The following SDC2 variants were observed in gnomAD, a reference collection of about 807,000 sequenced individuals.
SDC2 encodes syndecan 2.
In SDC2, 13 loss-of-function variants were observed where a neutral mutation model predicts 22.2. The ratio of observed to expected loss-of-function variants is 0.59; its 90% CI spans 0.38 to 0.93. The LOEUF (loss-of-function observed/expected upper bound fraction) is 0.93, where lower values mean the gene tolerates loss of function less well. Ranked by LOEUF, SDC2 falls within the 40% of genes least tolerant of loss-of-function variation. The pLI, the probability that SDC2 is intolerant of heterozygous loss-of-function variation, is 0.00. For missense variants in SDC2, 235 were observed against 246.8 expected (o/e 0.95, Z 0.32); for synonymous variants, 94 against 92.8 (o/e 1.01, Z -0.07).
At chr8:96,566,387 G>A (rs953401840) in intron 1 of SDC2, among the ~76,000 whole-genome samples, 5 of 152,108 alleles carry the variant, frequency 3.3e-5, no homozygotes, top group Non-Finnish European at 5.9e-5. Context: ...ACCATTAATG[G>A]TATGATAGCT....
At chr8:96,559,790 A>AAT (rs1342358361) in intron 1 of SDC2, among the ~76,000 whole-genome samples, 1 of 152,192 alleles carries the variant, frequency 6.6e-6, no homozygotes, top group Non-Finnish European at 1.5e-5. Flanking sequence ...TCCATCCAGG[A>AAT]ATAGTAAGCC....
chr8:96,558,650 T>C (rs1483370533), intron 1 of SDC2, among the ~76,000 whole-genome samples: 3 of 152,220 alleles, frequency 2.0e-5, no homozygotes, highest in African/African-American at 7.2e-5. Context: ...CTTTCCATTG[T>C]AATCCCAACA....
At chr8:96,596,995 G>C (rs1339801406) in intron 2 of SDC2, among the ~76,000 whole-genome samples, 1 of 152,150 alleles carries the variant, frequency 6.6e-6, no homozygotes, top group East Asian at 1.9e-4. Context: ...CTGGAAGTCT[G>C]TTTAAGAAAT....
chr8:96,540,791 G>A (rs921999725), intron 1 of SDC2, among the ~76,000 whole-genome samples: 1 of 152,212 alleles, frequency 6.6e-6, no homozygotes, highest in Non-Finnish European at 1.5e-5. Flanking sequence ...AGCGTTGAAA[G>A]TGAAGTATTA....
intron 3 of SDC2, among the ~76,000 whole-genome samples, chr8:96,606,148 G>A (rs1380583331): frequency 6.6e-6 from 1 of 152,092 alleles, no homozygotes; most frequent in South Asian, 2.1e-4. Flanking sequence ...TTTTGAGACA[G>A]GGTCTCACTC....
At chr8:96,594,081 A>G (rs950254129) in intron 2 of SDC2, among the ~76,000 whole-genome samples, 5 of 152,204 alleles carry the variant, frequency 3.3e-5, no homozygotes, top group Non-Finnish European at 7.3e-5. Context: ...TTGTAGGAGG[A>G]AAATGCAGCA....
chr8:96,572,374 C>G (rs1814410596), intron 1 of SDC2, among the ~76,000 whole-genome samples: 1 of 152,128 alleles, frequency 6.6e-6, no homozygotes, highest in Non-Finnish European at 1.5e-5. Context: ...AGTGGTAATG[C>G]CCACTGCCTG....
intron 1 of SDC2, among the ~76,000 whole-genome samples, chr8:96,520,639 A>C (rs1563646820): frequency 6.6e-6 from 1 of 152,232 alleles, no homozygotes; most frequent in Non-Finnish European, 1.5e-5. Flanking sequence ...AGTTGAATCC[A>C]CAAGAAGATG....
rs984748465 is a variant in SDC2, at chr8:96,590,359, G to A, written c.61-3121G>A. 4.6e-5 allele frequency among the ~76,000 whole-genome samples: 7 copies of A among 152,290 alleles called. No homozygotes were observed. In the East Asian group the frequency reaches 9.7e-4, roughly 21 times the overall value. ...TGCACGTTTCCTTCCAGTTGCTTTC[G>A]TCCAGCGTCTCGGTCCCATTGAGTA... is the stretch of plus-strand genomic sequence containing the variant. On this transcript the variant is annotated intron_variant, in intron 1 of 4. Transcript: ENST00000302190.
intron 2 of SDC2, among the ~76,000 whole-genome samples, chr8:96,595,497 ATGGC>A (rs1814857887): frequency 6.8e-6 from 1 of 147,648 alleles, no homozygotes; most frequent in Non-Finnish European, 1.5e-5. Context: ...TCTTTCACTC[ATGGC>A]ACCTCTTTTT....
At position 96,505,312 on chromosome 8, in the gene SDC2, ATTTTTT is replaced by A. The variant is rs1055275890; in HGVS notation, c.60+10985_60+10990del. 2.0e-5 allele frequency among the ~76,000 whole-genome samples: 3 copies of A among 150,840 alleles called. No homozygotes were observed. In the South Asian group the frequency reaches 6.3e-4, roughly 32 times the overall value. On this transcript the variant is annotated intron_variant, in intron 1 of 4. Transcript: ENST00000302190. ...AACCCTAATTATTTTTATTATTTTTATTTTTTTTTGAGACAGGGTCTCGCTCTGTCG... is the reference window on the plus strand; with the variant it reads ...AACCCTAATTATTTTTATTATTTTTATTTGAGACAGGGTCTCGCTCTGTCG...
intron 1 of SDC2, among the ~76,000 whole-genome samples, chr8:96,576,416 C>CTTTTT (rs71267268): frequency 0.098 from 1,351 of 13,784 alleles, 394 homozygotes; most frequent in Middle Eastern, 0.14. Flanking sequence ...TTATTATTCT[C>CTTTTT]TTTTTTTTTT....
chr8:96,527,552 C>T (rs985755015), intron 1 of SDC2, among the ~76,000 whole-genome samples: 1 of 152,290 alleles, frequency 6.6e-6, no homozygotes, highest in Non-Finnish European at 1.5e-5. Flanking sequence ...TCTGGTCCTG[C>T]GTGCTCTGTA....
intron 1 of SDC2, among the ~76,000 whole-genome samples, chr8:96,496,521 A>C (rs771936616): frequency 2.9e-4 from 44 of 152,374 alleles, no homozygotes; most frequent in Non-Finnish European, 5.3e-4. Flanking sequence ...CTAACAGTCC[A>C]TTTAAATTAC....
In SDC2 at chr8:96,608,509, C is replaced by T. The variant is rs572808779; in HGVS notation, c.442+39C>T. 2.5e-6 allele frequency: 4 copies of T among 1,574,410 alleles called. No individual in the cohort carries two copies. The South Asian group carries it at 4.7e-5, about 18-fold the overall frequency. ...TGGGCCTCAGGTGGGAGGGTGCCTACATAGGCCTCTGTTAGTCTAAGTGAT... is the reference window on the plus strand; with the variant it reads ...TGGGCCTCAGGTGGGAGGGTGCCTATATAGGCCTCTGTTAGTCTAAGTGAT... On this transcript the variant is annotated intron_variant, in intron 4 of 4. Transcript: ENST00000302190.
intron 1 of SDC2, among the ~76,000 whole-genome samples, chr8:96,541,989 G>A (rs1391243686): frequency 6.6e-6 from 1 of 152,198 alleles, no homozygotes; most frequent in Non-Finnish European, 1.5e-5. Context: ...AGCATGTGAT[G>A]CTGCTGGAAT....
chr8:96,601,230 A>G (rs1199452892), intron 2 of SDC2, among the ~76,000 whole-genome samples: 1 of 152,178 alleles, frequency 6.6e-6, no homozygotes, highest in Non-Finnish European at 1.5e-5. Flanking sequence ...CCTTAACAAA[A>G]CAGTATTAAT....
At chr8:96,515,418 T>C (rs1256789931) in intron 1 of SDC2, among the ~76,000 whole-genome samples, 1 of 152,204 alleles carries the variant, frequency 6.6e-6, no homozygotes, top group East Asian at 1.9e-4. Flanking sequence ...CTCGGATTTC[T>C]TCCTCACAGA....
chr8:96,493,997 G>A lies in SDC2; in HGVS notation c.-275G>A. On this transcript the variant is annotated 5_prime_UTR_variant, in exon 1 of 5. Transcript: ENST00000302190. ...AGAGCAAGAAGAGCTTCAGAGAGCA[G>A]CCTTCCCGGAGCACCAACTCCGTGT... 1 of 519,268 alleles carries A rather than the reference G, an allele frequency of 1.9e-6. No homozygotes were observed. The allele number at this position is 519,268 out of a possible 1,614,324, so 32.2% of individuals were successfully genotyped here.
Sources: gnomAD v4.1 joint callset for allele counts (sites outside exome capture counted in the v4.1 genomes callset) on GRCh38, gnomAD v4.1.1 for gene constraint, MANE v1.5 for transcripts, NCBI Gene and HGNC (gene_info 2026-07-23, HGNC 2026-07-21) for gene names.